The following KLHL32 variants were observed in gnomAD, a reference collection of about 807,000 sequenced individuals.
KLHL32 encodes the protein kelch like family member 32.
Under a neutral mutation model 64.8 loss-of-function variants are expected in KLHL32, and 35 were observed. That is an observed-to-expected ratio of 0.54 (90% CI 0.41 to 0.72). The LOEUF (loss-of-function observed/expected upper bound fraction) is 0.72, where lower values mean the gene tolerates loss of function less well. Among genes scored for constraint, KLHL32 ranks in the 30% least tolerant of loss-of-function variants. The pLI is 0.00. For missense variants in KLHL32, 589 were observed against 768.5 expected (o/e 0.77, Z 2.76); for synonymous variants, 259 against 281.0 (o/e 0.92, Z 0.78).
the KLHL32 span, among the ~76,000 whole-genome samples, chr6:96,918,222 G>A: frequency 6.6e-6 from 1 of 152,178 alleles, no homozygotes; most frequent in South Asian, 2.1e-4. Flanking sequence ...GCAAGGATGC[G>A]TAGGGTGAGT....
chr6:96,903,120 CA>C, the KLHL32 span, among the ~76,000 whole-genome samples: 8 of 146,332 alleles, frequency 5.5e-5, no homozygotes, highest in East Asian at 1.0e-3. Context: ...AAACAAACAA[CA>C]AAAAAAAACA....
At chr6:97,016,886 G>A (rs942745774) in intron 3 of KLHL32, among the ~76,000 whole-genome samples, 7 of 152,124 alleles carry the variant, frequency 4.6e-5, no homozygotes, top group African/African-American at 1.7e-4. Context: ...GGTTTTATAA[G>A]AGGCCCTATC....
chr6:97,136,340 T>C (rs1800010457), intron 10 of KLHL32, among the ~76,000 whole-genome samples: 1 of 152,222 alleles, frequency 6.6e-6, no homozygotes. Context: ...CATACTTTAT[T>C]TCCTGCTACT....
intron 1 of KLHL32, among the ~76,000 whole-genome samples, chr6:96,962,704 T>C (rs183936067): frequency 1.4e-4 from 21 of 146,434 alleles, no homozygotes; most frequent in African/African-American, 5.5e-4. Flanking sequence ...CTGTGATGTG[T>C]CAGCCTTTGC....
At chr6:96,940,850 A>G (rs1433036332) in intron 1 of KLHL32, among the ~76,000 whole-genome samples, 1 of 152,268 alleles carries the variant, frequency 6.6e-6, no homozygotes, top group Non-Finnish European at 1.5e-5. Context: ...TTCATAGAAC[A>G]GCCGAGAGAA....
At chr6:97,054,894 G>A (rs968048273) in intron 4 of KLHL32, among the ~76,000 whole-genome samples, 35 of 152,088 alleles carry the variant, frequency 2.3e-4, no homozygotes, top group African/African-American at 5.1e-4. Flanking sequence ...GGCTGATATC[G>A]TGCCACTGCG....
chr6:96,990,789 G>T (rs532301029), intron 3 of KLHL32, among the ~76,000 whole-genome samples: 1 of 152,286 alleles, frequency 6.6e-6, no homozygotes, highest in Admixed American at 6.5e-5. Flanking sequence ...GATGAGCAGG[G>T]AGCATTGGAG....
chr6:96,987,311 A>G (rs1002744433), intron 3 of KLHL32, among the ~76,000 whole-genome samples: 3 of 151,938 alleles, frequency 2.0e-5, no homozygotes, highest in Non-Finnish European at 2.9e-5. Flanking sequence ...TAGGGTGTCA[A>G]TTTTAGATCT....
At chr6:96,923,273 CTG>C (rs1180058331), upstream of KLHL32, among the ~76,000 whole-genome samples, 2 of 152,152 alleles carry the variant, frequency 1.3e-5, no homozygotes, top group Non-Finnish European at 2.9e-5. Context: ...TCTTAAAGGA[CTG>C]TTTTATTTAT....
intron 6 of KLHL32, among the ~76,000 whole-genome samples, chr6:97,104,607 A>G (rs1426730353): frequency 6.6e-6 from 1 of 152,226 alleles, no homozygotes. Context: ...CCATTGAAAT[A>G]TATTTCTTAG....
At chr6:96,930,243 TAAA>T (rs2127989636) in intron 1 of KLHL32, among the ~76,000 whole-genome samples, 1 of 152,360 alleles carries the variant, frequency 6.6e-6, no homozygotes, top group Non-Finnish European at 1.5e-5. Context: ...ATACCTCATT[TAAA>T]ATCATTACTT....
At chr6:97,064,553 G>T in intron 4 of KLHL32, 75 bp from the exon 5 acceptor site, 2 of 978,282 alleles carry the variant, frequency 2.0e-6, no homozygotes, top group Non-Finnish European at 3.2e-6. Context: ...ATATACTATG[G>T]TATATCTACA....
At chr6:97,086,476 T>C (rs1443852716) in intron 6 of KLHL32, among the ~76,000 whole-genome samples, 2 of 152,178 alleles carry the variant, frequency 1.3e-5, no homozygotes, top group Non-Finnish European at 2.9e-5. Flanking sequence ...TGCAAACTTA[T>C]TGACAGCAGG....
rs1383444301 is a variant in KLHL32 at position 97,024,458 on chromosome 6, T to G, written c.205-17034T>G. Among the ~76,000 whole-genome samples the G allele has an allele frequency of 3.9e-5, 6 of 152,014 alleles. No homozygotes were observed. In the East Asian group the frequency reaches 1.2e-3, roughly 29 times the overall value. On this transcript the variant is annotated intron_variant, in intron 3 of 10. Transcript: ENST00000369261. ...AATTTCCTTTTGAAACTGAGCACAT[T>G]TCATTAAAAATGGATTTCCTTTTGT...
intron 6 of KLHL32, among the ~76,000 whole-genome samples, chr6:97,107,931 G>A (rs1796631295): frequency 6.6e-6 from 1 of 152,184 alleles, no homozygotes; most frequent in African/African-American, 2.4e-5. Flanking sequence ...GCAAATATCT[G>A]AGGATCAATT....
intron 3 of KLHL32, among the ~76,000 whole-genome samples, chr6:97,039,015 A>C (rs959970675): frequency 1.3e-5 from 2 of 150,292 alleles, no homozygotes; most frequent in African/African-American, 4.9e-5. Context: ...GCTTGGACCC[A>C]GGAGGCGGAG....
In KLHL32 at chr6:97,001,034, G is replaced by A. The variant is rs183928641; in HGVS notation, c.204+24857G>A. Among the ~76,000 whole-genome samples, 144 of 152,310 alleles carry A rather than the reference G, an allele frequency of 9.5e-4. 3 individuals are homozygous for A. The highest frequency in any genetic ancestry group is 3.3e-3 in the African/African-American group (136 of 41,576). ...GTTTGGCAGAGACTTGAGAGAAGGA[G>A]GGATAATAGATGGAGCACAGGGGAT... On this transcript the variant is annotated intron_variant, in intron 3 of 10. Transcript: ENST00000369261.
At chr6:96,974,634 T>C (rs1490628207) in intron 2 of KLHL32, among the ~76,000 whole-genome samples, 2 of 152,240 alleles carry the variant, frequency 1.3e-5, no homozygotes, top group Non-Finnish European at 2.9e-5. Context: ...TGCTTCCCAG[T>C]CAAAACTGTC....
intron 4 of KLHL32, among the ~76,000 whole-genome samples, chr6:97,054,050 C>A (rs1245185252): frequency 6.6e-6 from 1 of 151,956 alleles, no homozygotes; most frequent in East Asian, 1.9e-4. Context: ...TTGTATGAAG[C>A]AGCAGTATAT....
Sources: gnomAD v4.1 joint callset for allele counts (sites outside exome capture counted in the v4.1 genomes callset) on GRCh38, gnomAD v4.1.1 for gene constraint, MANE v1.5 for transcripts, NCBI Gene and HGNC (gene_info 2026-07-23, HGNC 2026-07-21) for gene names.